RBFOX1: variants seen among roughly 807,000 people sequenced by gnomAD.
The protein encoded by RBFOX1 is RNA binding fox-1 homolog 1, also known as RNA binding protein fox-1 homolog 1.
Under a neutral mutation model 57.7 loss-of-function variants are expected in RBFOX1, and 8 were observed. The ratio of observed to expected loss-of-function variants is 0.14; its 90% confidence interval spans 0.08 to 0.25. The LOEUF (loss-of-function observed/expected upper bound fraction) is 0.25, where lower values mean the gene tolerates loss of function less well. Among genes scored for constraint, RBFOX1 ranks in the 10% least tolerant of loss-of-function variants. RBFOX1 has a pLI of 1.00. For missense variants in RBFOX1, 611 were observed against 548.5 expected (o/e 1.11, Z -1.14); for synonymous variants, 326 against 222.4 (o/e 1.47, Z -4.15).
At chr16:7,630,577 A>C (rs374639157) in intron 10 of RBFOX1, 26 bp from the exon 11 acceptor site, 1 of 1,613,534 alleles carries the variant, frequency 6.2e-7, no homozygotes, top group South Asian at 1.1e-5. Context: ...CCCAAACCAG[A>C]TACCATCTCT....
intron 5 of RBFOX1, among the ~76,000 whole-genome samples, chr16:7,570,158 T>C (rs2092624241): frequency 8.0e-6 from 1 of 124,332 alleles, no homozygotes; most frequent in South Asian, 2.9e-4. Context: ...GTTCTTAAAA[T>C]TTTACTTTTT....
At chr16:7,290,453 A>G (rs17647615) in intron 4 of RBFOX1, among the ~76,000 whole-genome samples, 9,307 of 152,288 alleles carry the variant, frequency 0.061, 381 homozygotes, top group Middle Eastern at 0.13. Flanking sequence ...GTCCTTTCGT[A>G]GTTGAGCACT....
intron 2 of RBFOX1, among the ~76,000 whole-genome samples, chr16:6,637,556 A>AATAGTC (rs2098455424): frequency 7.5e-6 from 1 of 133,834 alleles, no homozygotes; most frequent in African/African-American, 2.8e-5. Context: ...TGCATAGTAT[A>AATAGTC]TATAATATTC....
intron 3 of RBFOX1, among the ~76,000 whole-genome samples, chr16:5,706,427 C>T (rs2051250281): frequency 6.6e-6 from 1 of 152,180 alleles, no homozygotes; most frequent in African/African-American, 2.4e-5. Flanking sequence ...GAAACCTGCC[C>T]TCTTATTTCC....
At chr16:7,682,818 T>G (rs1253388643) in intron 14 of RBFOX1, among the ~76,000 whole-genome samples, 2 of 150,094 alleles carry the variant, frequency 1.3e-5, no homozygotes, top group Non-Finnish European at 3.0e-5. Context: ...TTTACTTTCC[T>G]AACAGATCCA....
chr16:7,022,421 C>T (rs1295998061), intron 3 of RBFOX1, among the ~76,000 whole-genome samples: 1 of 151,970 alleles, frequency 6.6e-6, no homozygotes, highest in Non-Finnish European at 1.5e-5. Context: ...AAACCCAGAG[C>T]ATATCTTCAT....
chr16:6,539,777 G>T (rs981672413), intron 2 of RBFOX1, among the ~76,000 whole-genome samples: 1 of 100,536 alleles, frequency 9.9e-6, no homozygotes, highest in Non-Finnish European at 2.4e-5. Context: ...CAGCCTAGGC[G>T]GCAGACTGAG....
At chr16:7,388,454 T>A (rs900106375) in intron 4 of RBFOX1, among the ~76,000 whole-genome samples, 5 of 152,076 alleles carry the variant, frequency 3.3e-5, no homozygotes, top group African/African-American at 1.2e-4. Context: ...ACAACAAATA[T>A]GGATTTAAAT....
chr16:7,048,612 C>G (rs1334097729), intron 3 of RBFOX1, among the ~76,000 whole-genome samples: 1 of 152,076 alleles, frequency 6.6e-6, no homozygotes, highest in Admixed American at 6.5e-5. Context: ...CAATTTTTTT[C>G]TCAGTTATTT....
intron 4 of RBFOX1, among the ~76,000 whole-genome samples, chr16:7,468,268 A>G (rs570922440): frequency 2.0e-5 from 3 of 152,336 alleles, no homozygotes; most frequent in Admixed American, 6.5e-5. Flanking sequence ...GGAACACCCC[A>G]AAGAGTGTAT....
chr16:7,358,953 C>T (rs148390606), intron 4 of RBFOX1, among the ~76,000 whole-genome samples: 1 of 152,186 alleles, frequency 6.6e-6, no homozygotes, highest in African/African-American at 2.4e-5. Context: ...TAAAACATTT[C>T]TCCTTTTAAT....
chr16:5,346,361 C>T (rs7200469), intron 1 of RBFOX1, among the ~76,000 whole-genome samples: 18,603 of 152,108 alleles, frequency 0.12, 2,889 homozygotes, highest in African/African-American at 0.37. Flanking sequence ...ATCGTCATTA[C>T]ATAAATTGTC....
chr16:6,556,758 T>C (rs777139669), intron 2 of RBFOX1, among the ~76,000 whole-genome samples: 31 of 152,032 alleles, frequency 2.0e-4, no homozygotes, highest in Non-Finnish European at 3.1e-4. Context: ...TGGCAGAAAA[T>C]AAATTAATAG....
At position 5,904,574 on chromosome 16, in the gene RBFOX1, C is replaced by G. The variant is rs774424600; in HGVS notation, c.351+37239C>G. ...TCAGACCATGGTGTGGTCTCTGTCC[C>G]TATCTTGGGCTAAGATGTGAAATGT... is the stretch of plus-strand genomic sequence containing the variant. On this transcript the variant is annotated intron_variant, in intron 4 of 19. Transcript: ENST00000641259. Among the ~76,000 whole-genome samples the G allele has an allele frequency of 9.6e-4, 146 of 152,066 alleles. 1 individual carries two copies. The highest frequency in any genetic ancestry group is 3.4e-3 in the Middle Eastern group (1 of 294).
chr16:5,295,711 C>G (rs999178123), intron 1 of RBFOX1, among the ~76,000 whole-genome samples: 11 of 152,182 alleles, frequency 7.2e-5, no homozygotes, highest in Admixed American at 6.5e-4. Context: ...ACTTAACATC[C>G]TATCTAACGT....
At chr16:7,631,481 C>T (rs1596909478) in intron 11 of RBFOX1, among the ~76,000 whole-genome samples, 1 of 152,330 alleles carries the variant, frequency 6.6e-6, no homozygotes, top group East Asian at 1.9e-4. Flanking sequence ...ACCATGTTCT[C>T]CCAGAGGGTA....
At chr16:7,567,056 C>A (rs150053019) in intron 5 of RBFOX1, among the ~76,000 whole-genome samples, 1 of 150,908 alleles carries the variant, frequency 6.6e-6, no homozygotes, top group Non-Finnish European at 1.5e-5. Flanking sequence ...ACTGCCTGAG[C>A]GACCCACTCT....
intron 3 of RBFOX1, among the ~76,000 whole-genome samples, chr16:6,662,442 A>G (rs191529006): frequency 6.6e-5 from 10 of 152,286 alleles, no homozygotes; most frequent in African/African-American, 1.7e-4. Context: ...AGGGAGAAAA[A>G]GAGAGATGTG....
In RBFOX1 at chr16:7,578,989, C is replaced by A. The variant is rs924492526; in HGVS notation, c.271-788C>A. 1.3e-5 allele frequency among the ~76,000 whole-genome samples: 2 copies of A among 152,172 alleles called. 1 individual carries two copies. The highest frequency in any genetic ancestry group is 6.3e-3 in the Middle Eastern group (2 of 316). Reference sequence around the variant, plus strand: ...TGCTGATGATGTTACATGGTCTAGGCAAACAGAGCACAACAGCACTTTCTG... The same window carrying A: ...TGCTGATGATGTTACATGGTCTAGGAAAACAGAGCACAACAGCACTTTCTG... On this transcript the variant is annotated intron_variant, in intron 5 of 15. Coordinates refer to ENST00000550418, the MANE Select transcript of RBFOX1 (RefSeq NM_018723.4).
Sources: allele counts gnomAD v4.1 joint callset (sites outside exome capture counted in the v4.1 genomes callset), GRCh38; gene constraint gnomAD v4.1.1; transcripts MANE v1.5; gene names NCBI Gene and HGNC (gene_info 2026-07-23, HGNC 2026-07-21).